Variants in MICU3 observed in about 807,000 individuals in gnomAD.
MICU3 encodes calcium uptake protein 3, mitochondrial.
A neutral mutation model predicts 66.5 loss-of-function variants in MICU3; 62 were observed. That is an observed-to-expected ratio of 0.93 (90% CI 0.76 to 1.15). MICU3 has a LOEUF of 1.15. MICU3 is among the 50% of genes most tolerant of loss of function. The pLI is 0.00. For missense variants in MICU3, 779 were observed against 664.4 expected, an observed-to-expected ratio of 1.17 and a Z score of -1.90; for synonymous variants, 308 against 240.7, an observed-to-expected ratio of 1.28 and a Z score of -2.59.
downstream of MICU3, among the ~76,000 whole-genome samples, chr8:17,125,129 G>GTATAGCCTGTAA (rs71212676): frequency 0.68 from 102,059 of 150,758 alleles, 35,536 homozygotes; most frequent in African/African-American, 0.85. Context: ...TCTCCTATGA[G>GTATAGCCTGTAA]TATAGCCTGT....
At chr8:17,030,891 A>G (rs1811913289) in intron 1 of MICU3, among the ~76,000 whole-genome samples, 1 of 152,042 alleles carries the variant, frequency 6.6e-6, no homozygotes, top group Non-Finnish European at 1.5e-5. Context: ...TCACTCCTCC[A>G]TCTCTTCAAT....
intron 3 of MICU3, among the ~76,000 whole-genome samples, chr8:17,073,697 T>C (rs1819947041): frequency 6.6e-6 from 1 of 152,194 alleles, no homozygotes; most frequent in Admixed American, 6.5e-5. Context: ...GGACTGCTGC[T>C]ATATGTGTTT....
chr8:17,113,190 C>G (rs978423257), intron 11 of MICU3, among the ~76,000 whole-genome samples: 1 of 152,170 alleles, frequency 6.6e-6, no homozygotes, highest in Non-Finnish European at 1.5e-5. Context: ...CCCTGGCCTT[C>G]CAACACGGCC....
At chr8:17,040,160 G>A (rs964198023) in intron 1 of MICU3, among the ~76,000 whole-genome samples, 4 of 151,914 alleles carry the variant, frequency 2.6e-5, no homozygotes, top group African/African-American at 7.3e-5. Flanking sequence ...CGCCCACCTC[G>A]GCCTCCCGAA....
At chr8:17,115,841 C>G (rs1802628487) in intron 12 of MICU3, among the ~76,000 whole-genome samples, 1 of 152,140 alleles carries the variant, frequency 6.6e-6, no homozygotes, top group Admixed American at 6.5e-5. Flanking sequence ...AAACCAGACT[C>G]CCTGTTTTCT....
rs142943409 is a variant in MICU3 at position 17,058,082 on chromosome 8, G to A, written c.382-6002G>A. Among the ~76,000 whole-genome samples the A allele has an allele frequency of 8.3e-3, 1,265 of 152,114 alleles. 12 individuals carry two copies. Among genetic ancestry groups the A allele is most frequent in the African/African-American group, 0.029 (1,185 of 41,486 alleles). ...CCAGGCTGGTCTCGAACTCCTGACC[G>A]CAGGTGATCCACCCGCCTCGGCCTC... On this transcript the variant is annotated intron_variant, in intron 1 of 14. Coordinates refer to ENST00000318063, the MANE Select transcript of MICU3 (RefSeq NM_181723.3).
chr8:17,116,390 C>A, intron 12 of MICU3, 53 bp from the exon 13 acceptor site: 1 of 1,154,660 alleles, frequency 8.7e-7, no homozygotes, highest in Non-Finnish European at 1.2e-6. Flanking sequence ...GTAATTAACA[C>A]ATATTATAAA....
chr8:17,103,077 G>C (rs1318649588), intron 9 of MICU3, among the ~76,000 whole-genome samples: 1 of 151,950 alleles, frequency 6.6e-6, no homozygotes, highest in Non-Finnish European at 1.5e-5. Context: ...TGAATAATTA[G>C]TCACTTTAGA....
At chr8:17,125,175 G>C (rs1182221983), downstream of MICU3, among the ~76,000 whole-genome samples, 13 of 136,756 alleles carry the variant, frequency 9.5e-5, no homozygotes, top group Admixed American at 9.6e-4. Flanking sequence ...CACTGTTCAT[G>C]TCTTTGTCTT....
At chr8:17,132,149 C>A in the MICU3 span, 1 of 152,188 alleles carries the variant, frequency 6.6e-6, no homozygotes, top group Non-Finnish European at 1.5e-5. Flanking sequence ...TGAATTTAAC[C>A]TCTAGCAACT....
chr8:17,044,182 T>G (rs185539869), intron 1 of MICU3, among the ~76,000 whole-genome samples: 2 of 152,338 alleles, frequency 1.3e-5, no homozygotes, highest in East Asian at 3.9e-4. Context: ...AACATTGATG[T>G]TCAGTAGAGT....
At chr8:17,073,655 A>G (rs746561129) in intron 3 of MICU3, among the ~76,000 whole-genome samples, 14 of 152,192 alleles carry the variant, frequency 9.2e-5, no homozygotes, top group Non-Finnish European at 1.9e-4. Context: ...ATTGTCTTCC[A>G]AGAAACCAGT....
intron 7 of MICU3, among the ~76,000 whole-genome samples, chr8:17,087,566 G>A (rs1249050677): frequency 1.3e-5 from 2 of 151,962 alleles, no homozygotes; most frequent in East Asian, 3.9e-4. Context: ...CTTTTTATCT[G>A]AAGTATTTCA....
chr8:17,073,101 G>T (rs1250040721), intron 3 of MICU3, among the ~76,000 whole-genome samples: 1 of 152,108 alleles, frequency 6.6e-6, no homozygotes, highest in East Asian at 1.9e-4. Context: ...CTGTCACCCA[G>T]GCTGGGGTAT....
At chr8:17,078,888 TG>T (rs1820772040) in intron 4 of MICU3, among the ~76,000 whole-genome samples, 1 of 152,110 alleles carries the variant, frequency 6.6e-6, no homozygotes, top group Non-Finnish European at 1.5e-5. Flanking sequence ...TTTTCCTAGA[TG>T]TTGTCTTAAA....
chr8:17,077,476 A>G (rs1306863000), intron 3 of MICU3, among the ~76,000 whole-genome samples: 1 of 152,206 alleles, frequency 6.6e-6, no homozygotes, highest in Non-Finnish European at 1.5e-5. Flanking sequence ...TGGCTCCAGG[A>G]CTTAAACTCA....
chr8:17,042,765 G>T (rs555031785), intron 1 of MICU3, among the ~76,000 whole-genome samples: 1 of 152,100 alleles, frequency 6.6e-6, no homozygotes, highest in South Asian at 2.1e-4. Context: ...TAGAGTACAG[G>T]AAGTGTATAC....
intron 1 of MICU3, among the ~76,000 whole-genome samples, chr8:17,028,959 T>C (rs1410363251): frequency 6.6e-6 from 1 of 152,192 alleles, no homozygotes; most frequent in African/African-American, 2.4e-5. Flanking sequence ...ACTTTTACAG[T>C]TGAGAGATGT....
At chr8:17,040,352 A>G (rs1176480785) in intron 1 of MICU3, among the ~76,000 whole-genome samples, 1 of 152,234 alleles carries the variant, frequency 6.6e-6, no homozygotes, top group East Asian at 1.9e-4. Context: ...AAATCCAGAA[A>G]TAAATTACAA....
Sources: gnomAD v4.1 joint callset for allele counts (sites outside exome capture counted in the v4.1 genomes callset) on GRCh38, gnomAD v4.1.1 for gene constraint, MANE v1.5 for transcripts, NCBI Gene and HGNC (gene_info 2026-07-23, HGNC 2026-07-21) for gene names.